Variants in DCSTAMP observed in about 807,000 individuals in gnomAD.
The protein encoded by DCSTAMP is dendritic cell-specific transmembrane protein.
A neutral mutation model predicts 33.8 loss-of-function variants in DCSTAMP; 25 were observed. That is an observed-to-expected ratio of 0.74 (90% confidence interval 0.54 to 1.03). The LOEUF is 1.03. Among genes scored for constraint, DCSTAMP ranks in the 50% least tolerant of loss-of-function variants. The pLI is 0.00. For synonymous variants in DCSTAMP, 245 were observed against 216.7 expected (o/e 1.13, Z -1.15); for missense variants, 531 against 556.8 (o/e 0.95, Z 0.47).
At position 104,349,551 on chromosome 8, in the gene DCSTAMP, G is replaced by T; in HGVS notation, c.999G>T (p.Gly333=). ...GCAAGCAGTTTCAAAGCTTGCCAGG[G>T]TTTGAGGTTCACTTGAAACTGCACG... ...SVSKQFQSLP[G]FEVHLKLHGE... The change falls in exon 2 of 4, where the codon GGG becomes GGT. Residue 333 remains glycine, a synonymous_variant. Transcript: ENST00000297581. 3 of 1,613,370 alleles carry T rather than the reference G, an allele frequency of 1.9e-6. No homozygotes were observed. Among genetic ancestry groups the T allele is most frequent in the Non-Finnish European group, 2.5e-6 (3 of 1,179,808 alleles).
rs1440113775 is a variant in DCSTAMP at position 104,349,262 on chromosome 8, C to CT, written c.712dup (p.Cys238LeufsTer6). On this transcript the variant is annotated frameshift_variant, in exon 2 of 4. Transcript: ENST00000297581. LOFTEE classifies it high-confidence loss of function. ...CTCTTCATGAAGCGATTTTTGGGCC[C>CT]TTGTGGTTGGAAGTATGAAAACATC... is the stretch of plus-strand genomic sequence containing the variant. The CT allele has an allele frequency of 2.5e-6, 4 of 1,614,212 alleles. No individual in the cohort carries two copies. Among genetic ancestry groups the CT allele is most frequent in the Non-Finnish European group, 3.4e-6 (4 of 1,180,046 alleles).
chr8:104,349,146 C>T lies in DCSTAMP; in HGVS notation c.594C>T (p.Tyr198=), dbSNP rs1810396134. 3 of 1,614,072 alleles carry T rather than the reference C, an allele frequency of 1.9e-6. No homozygotes were observed. Among genetic ancestry groups the T allele is most frequent in the Middle Eastern group, 1.6e-4 (1 of 6,084 alleles). The change falls in exon 2 of 4, where the codon TAC becomes TAT. Residue 198 remains tyrosine, a synonymous_variant. Transcript: ENST00000297581. ...AAGGGGAAGTCCTGAGCGTCTTGTA[C>T]CAGATGGCAACAACCACAGAGGTGT... The part of the protein sequence containing the change: ...DSKGEVLSVL[Y]QMATTTEVLS...
intron 1 of DCSTAMP, among the ~76,000 whole-genome samples, chr8:104,348,278 G>A (rs1259983909): frequency 1.3e-5 from 2 of 152,168 alleles, no homozygotes; most frequent in South Asian, 2.1e-4. Flanking sequence ...CCCAGGCCCA[G>A]GATTGTCACT....
Position 104,341,068 on chromosome 8 carries a change from G to A in DCSTAMP, c.-13+1206G>A, listed in dbSNP as rs72667455. On this transcript the variant is annotated intron_variant, in intron 1 of 3. Coordinates refer to ENST00000297581, the MANE Select transcript of DCSTAMP (RefSeq NM_030788.4). ...CAGGAGCTTTGGAAATGGGGAGAGA[G>A]GGGAGCAATAAGATGCTCCCAAGGT... is the stretch of plus-strand genomic sequence containing the variant. Among the ~76,000 whole-genome samples, 735 of 152,294 alleles carry A rather than the reference G, an allele frequency of 4.8e-3. 1 individual carries two copies. The highest frequency in any genetic ancestry group is 7.9e-3 in the Non-Finnish European group (537 of 68,018).
At chr8:104,349,984 G>A (rs888050562) in intron 2 of DCSTAMP, among the ~76,000 whole-genome samples, 3 of 152,042 alleles carry the variant, frequency 2.0e-5, no homozygotes, top group Admixed American at 2.0e-4. Context: ...CATCACTCCC[G>A]TCTCTGCTCT....
intron 1 of DCSTAMP, 97 bp from the exon 2 acceptor site, chr8:104,348,444 G>C (rs1291634019): frequency 1.1e-5 from 14 of 1,243,866 alleles, no homozygotes; most frequent in Non-Finnish European, 1.5e-5. Flanking sequence ...AAGAATTATG[G>C]CCACGTTTTT....
chr8:104,340,853 C>T (rs566347957), intron 1 of DCSTAMP, among the ~76,000 whole-genome samples: 2 of 152,340 alleles, frequency 1.3e-5, no homozygotes, highest in African/African-American at 4.8e-5. Context: ...GACTGGGTTC[C>T]CGCAGGGGAC....
chr8:104,343,057 C>G (rs1277378285), intron 1 of DCSTAMP, among the ~76,000 whole-genome samples: 1 of 152,190 alleles, frequency 6.6e-6, no homozygotes, highest in Non-Finnish European at 1.5e-5. Context: ...CATGGTGAAT[C>G]TGCATTTCAG....
intron 1 of DCSTAMP, among the ~76,000 whole-genome samples, chr8:104,342,046 G>T (rs1160596382): frequency 1.3e-5 from 2 of 152,198 alleles, no homozygotes; most frequent in Admixed American, 6.5e-5. Flanking sequence ...AGAAAAAAAC[G>T]ATGGAGAGGC....
rs1194496278 is a variant in DCSTAMP, at chr8:104,348,586, C to T, written c.34C>T (p.Leu12=). ...GIWTSGTDIF[L]SLWEIYVSPR... ...CTGGACCTCAGGCACTGATATCTTC[C>T]TAAGTCTTTGGGAGATTTACGTGTC... The change falls in exon 2 of 4, where the codon CTA becomes TTA. Residue 12 remains leucine, a synonymous_variant. Coordinates refer to ENST00000297581, the MANE Select transcript of DCSTAMP (RefSeq NM_030788.4). 6.2e-7 allele frequency: 1 copy of T among 1,614,200 alleles called. No homozygotes were observed. The highest frequency in any genetic ancestry group is 1.1e-5 in the South Asian group (1 of 91,080).
chr8:104,355,011 G>A lies in DCSTAMP; in HGVS notation c.1164G>A (p.Val388=), dbSNP rs752581420. 1.2e-5 allele frequency: 19 copies of A among 1,614,002 alleles called. No homozygotes were observed. Among genetic ancestry groups the A allele is most frequent in the Admixed American group, 6.7e-5 (4 of 60,000 alleles). Residue 388 remains valine (V), a synonymous_variant, in exon 3 of 4, where the codon GTG becomes GTA. Coordinates refer to ENST00000297581, the MANE Select transcript of DCSTAMP (RefSeq NM_030788.4). ...TCAGTGTTATTCTTTTGATATTAGT[G>A]ATGCTGGGACTGTTGTCCTCTATCC... ...VPLSVILLIL[V]MLGLLSSILM...
intron 2 of DCSTAMP, among the ~76,000 whole-genome samples, chr8:104,352,257 C>G (rs1238636963): frequency 2.0e-5 from 3 of 152,202 alleles, no homozygotes; most frequent in Admixed American, 6.5e-5. Flanking sequence ...CCCTCCTAAG[C>G]CTGGGCTGCT....
rs148266215 is a variant in DCSTAMP, at chr8:104,342,925, G to A, written c.-13+3063G>A. Reference sequence around the variant, plus strand: ...GTATTCACGACTGCACGATGCTGTGGAGCAAGTGTTCACCTGGGGAAAGGA... The same window carrying A: ...GTATTCACGACTGCACGATGCTGTGAAGCAAGTGTTCACCTGGGGAAAGGA... On this transcript the variant is annotated intron_variant, in intron 1 of 3. Coordinates refer to ENST00000297581, the MANE Select transcript of DCSTAMP (RefSeq NM_030788.4). Among the ~76,000 whole-genome samples the A allele has an allele frequency of 7.2e-5, 11 of 152,324 alleles. No homozygotes were observed. In the East Asian group the frequency reaches 1.9e-3, roughly 27 times the overall value.
chr8:104,356,180 A>G lies in DCSTAMP; in HGVS notation c.1395A>G (p.Ala465=), dbSNP rs4734780. 84,538 of 1,612,088 alleles carry G rather than the reference A, an allele frequency of 0.052. 2,436 individuals carry two copies. The highest frequency in any genetic ancestry group is 0.13 in the Middle Eastern group (762 of 6,056). The part of the protein sequence containing the change: ...KMIRKKQMDM[A]SADKS ...TTAGGAAGAAGCAAATGGACATGGCAAGTGCAGACAAGTCATGAGAGACCC... is the reference window on the plus strand; with the variant it reads ...TTAGGAAGAAGCAAATGGACATGGCGAGTGCAGACAAGTCATGAGAGACCC... Residue 465 remains alanine, a synonymous_variant, in exon 4 of 4, where the codon GCA becomes GCG. Transcript: ENST00000297581.
rs370885317 is a variant in DCSTAMP, at chr8:104,352,261, G to C, written c.1030-2616G>C. Among the ~76,000 whole-genome samples the C allele has an allele frequency of 2.6e-4, 40 of 152,162 alleles. No individual in the cohort carries two copies. The South Asian group carries it at 5.6e-3, about 21-fold the overall frequency. Reference sequence around the variant, plus strand: ...CATGGCTCCTGCCCTCCTAAGCCTGGGCTGCTTCTCAGAGTTGATTATTCT... The same window carrying C: ...CATGGCTCCTGCCCTCCTAAGCCTGCGCTGCTTCTCAGAGTTGATTATTCT... On this transcript the variant is annotated intron_variant, in intron 2 of 3. Transcript: ENST00000297581.
intron 1 of DCSTAMP, among the ~76,000 whole-genome samples, chr8:104,344,011 G>A (rs2099383439): frequency 6.6e-6 from 1 of 152,230 alleles, no homozygotes; most frequent in Admixed American, 6.5e-5. Flanking sequence ...CTCAGGAACT[G>A]TAGTGGAATT....
chr8:104,354,529 A>G (rs1423681655), intron 2 of DCSTAMP, among the ~76,000 whole-genome samples: 1 of 152,264 alleles, frequency 6.6e-6, no homozygotes, highest in African/African-American at 2.4e-5. Flanking sequence ...TGCTAAAATT[A>G]AAAGATTCCT....
chr8:104,340,152 T>C (rs1385953534), intron 1 of DCSTAMP: 2 of 152,242 alleles, frequency 1.3e-5, no homozygotes, highest in Non-Finnish European at 2.9e-5. Flanking sequence ...TGGGGAGCCC[T>C]AGGCTGGCTC....
chr8:104,346,900 G>A (rs547450480), intron 1 of DCSTAMP, among the ~76,000 whole-genome samples: 1 of 152,172 alleles, frequency 6.6e-6, no homozygotes, highest in African/African-American at 2.4e-5. Context: ...CATCTTACAC[G>A]ACAAATGTAA....
Sources: gnomAD v4.1 joint callset for allele counts (sites outside exome capture counted in the v4.1 genomes callset) on GRCh38, gnomAD v4.1.1 for gene constraint, MANE v1.5 for transcripts, NCBI Gene and HGNC (gene_info 2026-07-23, HGNC 2026-07-21) for gene names.